RIPOR2: variants seen among roughly 807,000 people sequenced by gnomAD.
RIPOR2 encodes the protein RHO family interacting cell polarization regulator 2.
Under a neutral mutation model 114.5 loss-of-function variants are expected in RIPOR2, and 39 were observed. The observed-to-expected ratio is 0.34, with a 90% CI of 0.26 to 0.44. The LOEUF is 0.44. Ranked by LOEUF, RIPOR2 falls within the 20% of genes least tolerant of loss-of-function variation. The probability of loss-of-function intolerance (pLI) is 1.00; values close to 1 mark genes in which losing one functional copy is unlikely to be tolerated. For synonymous variants in RIPOR2, 445 were observed against 484.4 expected (o/e 0.92, Z 1.07); for missense variants, 1,007 against 1,255.1 (o/e 0.80, Z 2.99).
chr6:24,986,566 G>A (rs1237176732), intron 1 of RIPOR2, among the ~76,000 whole-genome samples: 1 of 152,112 alleles, frequency 6.6e-6, no homozygotes, highest in Non-Finnish European at 1.5e-5. Context: ...AAATATTGCT[G>A]TTTCACAACA....
chr6:24,958,031 CT>C (rs1478541530), intron 1 of RIPOR2, among the ~76,000 whole-genome samples: 2 of 151,816 alleles, frequency 1.3e-5, no homozygotes, highest in African/African-American at 4.8e-5. Flanking sequence ...CTAGTAATGT[CT>C]TTTGAAAAAT....
intron 1 of RIPOR2, among the ~76,000 whole-genome samples, chr6:25,022,532 ATTTTTTTTTTTTTT>A (rs10564019): frequency 2.6e-3 from 108 of 40,998 alleles, no homozygotes; most frequent in East Asian, 0.022. Context: ...GGTACCTTCC[ATTTTTTTTTTTTTT>A]TTTTTTTTTT....
intron 1 of RIPOR2, among the ~76,000 whole-genome samples, chr6:24,943,934 G>T (rs1561797029): frequency 6.6e-6 from 1 of 152,060 alleles, no homozygotes. Flanking sequence ...CTTTTCCTTG[G>T]GGGTGTTTGT....
rs139587718 is a variant in RIPOR2 at position 24,991,768 on chromosome 6, C to G, written c.76+50083G>C. ...CTCAGCTTAAAGGGTTTTAATGAAA[C>G]CCTCAAAGGAAAAAAAAGAATAGCC... On this transcript the variant is annotated intron_variant, in intron 1 of 13. Coordinates refer to the RIPOR2 transcript ENST00000510784. Among the ~76,000 whole-genome samples, 31 of 152,182 alleles carry G rather than the reference C, an allele frequency of 2.0e-4. 1 individual carries two copies. In the East Asian group the frequency reaches 5.8e-3, roughly 28 times the overall value.
Position 24,958,094 on chromosome 6 carries a change from T to C in RIPOR2, c.77-82277A>G, listed in dbSNP as rs148929578. 4.5e-3 allele frequency among the ~76,000 whole-genome samples: 678 copies of C among 152,250 alleles called. 6 individuals carry two copies. Among genetic ancestry groups the C allele is most frequent in the African/African-American group, 0.013 (537 of 41,540 alleles). ...AAAAAATATACACAAAGATGTGTTA[T>C]TTAGGCAAAAATGGAAAAATATCCG... On this transcript the variant is annotated intron_variant, in intron 1 of 13. Transcript: ENST00000510784.
At chr6:24,846,403 C>T (rs1762292243) in intron 12 of RIPOR2, among the ~76,000 whole-genome samples, 1 of 146,164 alleles carries the variant, frequency 6.8e-6, no homozygotes, top group Admixed American at 7.2e-5. Context: ...ACCTCCTGGG[C>T]TTCAGTGATC....
chr6:25,024,063 A>G (rs1319969513), intron 1 of RIPOR2: 1 of 765,320 alleles, frequency 1.3e-6, no homozygotes, highest in Non-Finnish European at 2.4e-6. Context: ...TCCTCCAGGG[A>G]GCAGTGCCCT....
At chr6:25,024,628 T>G in intron 1 of RIPOR2, 1 of 441,690 alleles carries the variant, frequency 2.3e-6, no homozygotes, top group Admixed American at 3.4e-5. Context: ...TTTCCAGTTC[T>G]GTGCCCTTCT....
At position 25,022,532 on chromosome 6, in the gene RIPOR2, A is replaced by ATTTTTTTTTTTTTTTT. The variant is rs10564019; in HGVS notation, c.76+19303_76+19318dup. On this transcript the variant is annotated intron_variant, in intron 1 of 13. Coordinates refer to the RIPOR2 transcript ENST00000510784. ...ACATATAACTAATGTGGTACCTTCC[A>ATTTTTTTTTTTTTTTT]TTTTTTTTTTTTTTTTTTTTTTTTT... Among the ~76,000 whole-genome samples, 19 of 40,990 alleles carry ATTTTTTTTTTTTTTTT rather than the reference A, an allele frequency of 4.6e-4. 3 individuals are homozygous for ATTTTTTTTTTTTTTTT. Among genetic ancestry groups the ATTTTTTTTTTTTTTTT allele is most frequent in the Non-Finnish European group, 7.2e-4 (15 of 20,702 alleles). The allele number at this position is 40,990 out of a possible 152,430, so 26.9% of individuals were successfully genotyped here.
At position 24,844,348 on chromosome 6, in the gene RIPOR2, C is replaced by T. The variant is rs549658968; in HGVS notation, c.1165-794G>A. 9.0e-5 allele frequency among the ~76,000 whole-genome samples: 10 copies of T among 111,384 alleles called. No homozygotes were observed. In the East Asian group the frequency reaches 3.3e-3, roughly 37 times the overall value. 73.1% of individuals were successfully genotyped at this position (111,384 alleles called of 152,430 possible). A position where few individuals can be genotyped will look rare whatever the true frequency, so the allele number is the denominator to read the frequency against. On this transcript the variant is annotated intron_variant, in intron 12 of 21. Coordinates refer to ENST00000643898, the MANE Select transcript of RIPOR2 (RefSeq NM_001286445.3). ...AACCAAGATCATTCATTTATTCAGG[C>T]ATTTCTATTTTGAAGTCAGCTCTCT... is the stretch of plus-strand genomic sequence containing the variant.
intron 1 of RIPOR2, among the ~76,000 whole-genome samples, chr6:24,921,525 C>T (rs750314004): frequency 6.6e-6 from 1 of 152,054 alleles, no homozygotes; most frequent in East Asian, 1.9e-4. Flanking sequence ...CTGGAACACT[C>T]TCCCCAGACC....
chr6:24,806,905 T>A (rs1438678539), intron 21 of RIPOR2, among the ~76,000 whole-genome samples: 1 of 152,232 alleles, frequency 6.6e-6, no homozygotes. Context: ...AAAATCAATC[T>A]TAGGCTTTCA....
intron 1 of RIPOR2, among the ~76,000 whole-genome samples, chr6:24,890,191 G>C (rs572701918): frequency 6.6e-6 from 1 of 151,820 alleles, no homozygotes; most frequent in African/African-American, 2.4e-5. Context: ...CACTGTGCCC[G>C]GCCTGCACCT....
Position 24,903,798 on chromosome 6 carries a change from A to G in RIPOR2, c.62-27981T>C, listed in dbSNP as rs146856485. 2.2e-3 allele frequency among the ~76,000 whole-genome samples: 328 copies of G among 152,320 alleles called. 3 individuals carry two copies. The highest frequency in any genetic ancestry group is 3.4e-3 in the Non-Finnish European group (230 of 68,026). On this transcript the variant is annotated intron_variant, in intron 1 of 21. Coordinates refer to ENST00000643898, the MANE Select transcript of RIPOR2 (RefSeq NM_001286445.3). ...CCTCCCCTTTGTATCTTAATGACTT[A>G]ACACTCGTTAAACTTCCTAAAAATC...
At chr6:25,035,213 A>T (rs1194600217) in intron 1 of RIPOR2, among the ~76,000 whole-genome samples, 1 of 152,158 alleles carries the variant, frequency 6.6e-6, no homozygotes, top group Non-Finnish European at 1.5e-5. Context: ...TAATGGATAA[A>T]CTTAGCAGGT....
chr6:24,847,263 T>A (rs1762405916), intron 12 of RIPOR2, among the ~76,000 whole-genome samples: 1 of 152,192 alleles, frequency 6.6e-6, no homozygotes, highest in African/African-American at 2.4e-5. Context: ...GAATGCCAGT[T>A]TTTGAAAGGC....
chr6:24,934,125 C>T (rs1232306555), intron 1 of RIPOR2, among the ~76,000 whole-genome samples: 2 of 152,106 alleles, frequency 1.3e-5, no homozygotes, highest in Non-Finnish European at 2.9e-5. Flanking sequence ...GAATGCCATT[C>T]CTGGAGGGAG....
chr6:24,903,905 G>A (rs976527069), intron 1 of RIPOR2, among the ~76,000 whole-genome samples: 1 of 152,214 alleles, frequency 6.6e-6, no homozygotes. Context: ...GCAGCTCCCC[G>A]ATTTCCTCAT....
At chr6:25,035,368 C>T (rs1777190634) in intron 1 of RIPOR2, among the ~76,000 whole-genome samples, 1 of 152,120 alleles carries the variant, frequency 6.6e-6, no homozygotes, top group African/African-American at 2.4e-5. Context: ...AAACAGAAAC[C>T]AAGAGAGGAA....
Sources: allele counts gnomAD v4.1 joint callset (sites outside exome capture counted in the v4.1 genomes callset), GRCh38; gene constraint gnomAD v4.1.1; transcripts MANE v1.5; gene names NCBI Gene and HGNC (gene_info 2026-07-23, HGNC 2026-07-21).